SHANK2: variants seen among roughly 807,000 people sequenced by gnomAD.
SHANK2 encodes the protein SH3 and multiple ankyrin repeat domains 2.
In SHANK2, 43 loss-of-function variants were observed where a neutral mutation model predicts 133.7. The ratio of observed to expected loss-of-function variants is 0.32; its 90% CI spans 0.25 to 0.41. SHANK2 has a LOEUF of 0.41. Ranked by LOEUF, SHANK2 falls within the 10% of genes least tolerant of loss-of-function variation. The probability of loss-of-function intolerance (pLI) is 1.00; values close to 1 mark genes in which losing one functional copy is unlikely to be tolerated. For synonymous variants in SHANK2, 1,017 were observed against 952.8 expected, an observed-to-expected ratio of 1.07 and a Z score of -1.24; for missense variants, 1,994 against 2,235.8, an observed-to-expected ratio of 0.89 and a Z score of 2.18.
At chr11:70,724,193 T>C (rs1946130108) in intron 14 of SHANK2, among the ~76,000 whole-genome samples, 1 of 151,858 alleles carries the variant, frequency 6.6e-6, no homozygotes, top group Admixed American at 6.6e-5. Flanking sequence ...ACACCACCAC[T>C]CCCAGCTAAT....
chr11:70,498,863 T>C (rs2059009697), intron 21 of SHANK2, among the ~76,000 whole-genome samples: 1 of 152,130 alleles, frequency 6.6e-6, no homozygotes, highest in Admixed American at 6.5e-5. Context: ...CTTCCTTCTT[T>C]ACAAGGACAC....
chr11:71,118,271 A>G (rs1239921053), intron 4 of SHANK2, among the ~76,000 whole-genome samples: 1 of 152,198 alleles, frequency 6.6e-6, no homozygotes, highest in African/African-American at 2.4e-5. Flanking sequence ...TGTGAGATTC[A>G]TGGCAAAATC....
rs1449577161 is a variant in SHANK2 at position 70,473,734 on chromosome 11, A to G, written c.4980-295T>C. The G allele has an allele frequency of 4.4e-6, 2 of 456,088 alleles. No individual in the cohort carries two copies. Among genetic ancestry groups the G allele is most frequent in the African/African-American group, 2.0e-5 (1 of 50,086 alleles). 28.3% of individuals were successfully genotyped at this position (456,088 alleles called of 1,614,324 possible). On this transcript the variant is annotated intron_variant, in intron 25 of 25. Transcript: ENST00000601538. This position sits in a 1 kb window ranked among gnomAD's most constrained non-coding sequence, Gnocchi z 5.9. The stretch of plus-strand genomic sequence containing the variant: ...GGGAGCACACCACGTCAGCCCACTC[A>G]CCTGAACTGGGACAGAGGGGCTGGG...
At chr11:70,654,147 G>C (rs1264179997) in intron 17 of SHANK2, 7 of 152,222 alleles carry the variant, frequency 4.6e-5, no homozygotes, top group African/African-American at 1.4e-4. Context: ...CCTATTTGCA[G>C]AAATTAACAC....
chr11:70,710,150 C>T (rs1346316602), intron 14 of SHANK2, among the ~76,000 whole-genome samples: 8 of 152,142 alleles, frequency 5.3e-5, no homozygotes, highest in Admixed American at 2.6e-4. Context: ...GGCTGCTGAG[C>T]GCCTCCTCAG....
At chr11:70,952,488 C>A (rs947367447) in intron 10 of SHANK2, among the ~76,000 whole-genome samples, 2 of 152,212 alleles carry the variant, frequency 1.3e-5, no homozygotes, top group Non-Finnish European at 2.9e-5. Flanking sequence ...ACTTGGCTGT[C>A]TTGTTCAAAT....
intron 12 of SHANK2, among the ~76,000 whole-genome samples, chr11:70,810,602 G>C (rs1198501243): frequency 6.6e-6 from 1 of 152,250 alleles, no homozygotes; most frequent in African/African-American, 2.4e-5. Flanking sequence ...GGGCTCTGTG[G>C]ACGGCCTGAA....
At chr11:70,848,742 G>A (rs1181840533) in intron 11 of SHANK2, among the ~76,000 whole-genome samples, 1 of 152,206 alleles carries the variant, frequency 6.6e-6, no homozygotes, top group African/African-American at 2.4e-5. Flanking sequence ...GGTCCGAGAA[G>A]CTTGGGCAGG....
intron 2 of SHANK2, among the ~76,000 whole-genome samples, chr11:71,151,249 G>A (rs1952791754): frequency 6.7e-6 from 1 of 149,868 alleles, no homozygotes; most frequent in South Asian, 2.1e-4. Context: ...AACCTCCCGG[G>A]GAGGCCACGG....
intron 11 of SHANK2, among the ~76,000 whole-genome samples, chr11:70,876,237 C>CACACAT (rs4025747): frequency 5.4e-5 from 8 of 147,536 alleles, no homozygotes; most frequent in South Asian, 2.1e-4. Context: ...CACACACACA[C>CACACAT]ATATAGACAC....
Position 70,661,650 on chromosome 11 carries a change from C to A in SHANK2, c.1882G>T (p.Val628Phe). 1 of 1,614,060 alleles carries A rather than the reference C, an allele frequency of 6.2e-7. No homozygotes were observed. The change falls in exon 16 of 26, where the codon GTC becomes TTC. Residue 628 changes from valine to phenylalanine, a missense_variant. Around this residue, in one of 5 missense-constraint regions of SHANK2, gnomAD observed 14 missense variants for 42.4 expected, o/e 0.33. Coordinates refer to ENST00000601538, the MANE Select transcript of SHANK2 (RefSeq NM_012309.5). ...CCCTCATTGTCTTTTTTCTGCAGGA[C>A]CACCGTCTTCTCCTCAATAATGCAG... Reference protein sequence around the residue: ...SDCIIEEKTVVLQKKDNEGFG... With the variant: ...SDCIIEEKTVFLQKKDNEGFG...
At chr11:70,526,413 T>C (rs1475955301) in intron 17 of SHANK2, among the ~76,000 whole-genome samples, 3 of 152,170 alleles carry the variant, frequency 2.0e-5, no homozygotes, top group Admixed American at 6.5e-5. Context: ...CTGAGCCCCT[T>C]TGAGTCCCTG....
At chr11:70,642,755 G>T (rs1281693724) in intron 17 of SHANK2, among the ~76,000 whole-genome samples, 1 of 152,166 alleles carries the variant, frequency 6.6e-6, no homozygotes, top group Non-Finnish European at 1.5e-5. Flanking sequence ...GATGACAAAG[G>T]CCCTCCATGC....
intron 17 of SHANK2, among the ~76,000 whole-genome samples, chr11:70,591,480 C>T (rs888832939): frequency 5.3e-5 from 8 of 152,006 alleles, no homozygotes; most frequent in Admixed American, 6.5e-5. Flanking sequence ...CAGGAGTAAG[C>T]GCATTGCCCT....
At chr11:70,766,041 C>G (rs189290815) in intron 14 of SHANK2, among the ~76,000 whole-genome samples, 95 of 152,354 alleles carry the variant, frequency 6.2e-4, no homozygotes, top group Non-Finnish European at 1.1e-3. Flanking sequence ...ATAAAGCCAA[C>G]AGCTCAGCCT....
At chr11:70,760,165 A>G (rs1383651252) in intron 14 of SHANK2, among the ~76,000 whole-genome samples, 10 of 152,242 alleles carry the variant, frequency 6.6e-5, no homozygotes, top group Admixed American at 5.2e-4. Context: ...ATGTGTGCTC[A>G]GTGCACATGT....
At chr11:70,898,583 T>C (rs1293396339) in intron 10 of SHANK2, among the ~76,000 whole-genome samples, 6 of 152,156 alleles carry the variant, frequency 3.9e-5, no homozygotes, top group Non-Finnish European at 8.8e-5. Context: ...GTTCTAGTAT[T>C]TTTGTGGAAG....
intron 1 of SHANK2, among the ~76,000 whole-genome samples, chr11:71,225,702 A>C (rs1486456399): frequency 6.6e-6 from 1 of 152,252 alleles, no homozygotes; most frequent in African/African-American, 2.4e-5. Flanking sequence ...TGATCTGACA[A>C]AGAGTTGAAA....
At chr11:70,808,045 T>A (rs934376278) in intron 12 of SHANK2, among the ~76,000 whole-genome samples, 2 of 150,938 alleles carry the variant, frequency 1.3e-5, no homozygotes. Flanking sequence ...GGGGACAGAG[T>A]TTTGGTTTCA....
Sources: gnomAD v4.1 joint callset for allele counts (sites outside exome capture counted in the v4.1 genomes callset) on GRCh38, gnomAD v4.1.1 for gene constraint, gnomAD v4.1.1 regional missense constraint, Gnocchi (gnomAD v3.1) non-coding constraint, MANE v1.5 for transcripts, NCBI Gene and HGNC (gene_info 2026-07-23, HGNC 2026-07-21) for gene names.